Variants in LARGE1 observed in about 807,000 individuals in gnomAD.
The protein encoded by LARGE1 is xylosyl- and glucuronyltransferase LARGE1.
Under a neutral mutation model 87.6 loss-of-function variants are expected in LARGE1, and 43 were observed. The observed-to-expected ratio is 0.49, with a 90% CI of 0.38 to 0.63. The LOEUF (loss-of-function observed/expected upper bound fraction) is 0.63. LARGE1 is among the 30% of genes least tolerant of loss of function. LARGE1 has a pLI of 0.00. For missense variants in LARGE1, 802 were observed against 1,000.2 expected, an observed-to-expected ratio of 0.80 and a Z score of 2.67; for synonymous variants, 434 against 394.6, an observed-to-expected ratio of 1.10 and a Z score of -1.18.
chr22:33,504,808 AT>A (rs943381958), intron 6 of LARGE1, among the ~76,000 whole-genome samples: 96 of 152,270 alleles, frequency 6.3e-4, no homozygotes, highest in African/African-American at 2.2e-3. Context: ...TTTAAAAAAA[AT>A]AACATAGTAG....
intron 1 of LARGE1, among the ~76,000 whole-genome samples, chr22:33,851,844 G>C (rs2063591853): frequency 1.3e-5 from 2 of 152,248 alleles, no homozygotes; most frequent in South Asian, 4.1e-4. Context: ...AGGAGGAACA[G>C]AATGAGGCTA....
downstream of LARGE1, among the ~76,000 whole-genome samples, chr22:33,269,578 C>G (rs569716347): frequency 2.2e-4 from 34 of 152,320 alleles, no homozygotes; most frequent in African/African-American, 7.5e-4. Flanking sequence ...AAGCTTTGCT[C>G]TCAGTGAGCC....
intron 11 of LARGE1, among the ~76,000 whole-genome samples, chr22:33,210,399 C>T (rs567524926): frequency 2.0e-5 from 3 of 152,354 alleles, no homozygotes; most frequent in South Asian, 2.1e-4. Context: ...ACGACACCGG[C>T]GGAACCTGGT....
chr22:33,501,926 C>G (rs1334301436), intron 6 of LARGE1, among the ~76,000 whole-genome samples: 1 of 152,192 alleles, frequency 6.6e-6, no homozygotes, highest in Non-Finnish European at 1.5e-5. Context: ...GGCATGATGG[C>G]TCACGCTTGT....
intron 5 of LARGE1, among the ~76,000 whole-genome samples, chr22:33,595,217 G>C (rs2078945950): frequency 6.6e-6 from 1 of 152,036 alleles, no homozygotes; most frequent in Non-Finnish European, 1.5e-5. Flanking sequence ...TGGGGTACAA[G>C]AGATGTTTTG....
chr22:33,401,732 A>G (rs1002876671), intron 7 of LARGE1, among the ~76,000 whole-genome samples: 3 of 152,222 alleles, frequency 2.0e-5, no homozygotes, highest in Non-Finnish European at 4.4e-5. Context: ...ATAGAAGCCA[A>G]GGAGAGAAGG....
chr22:33,921,064 TC>T (rs1396750956), upstream of LARGE1, among the ~76,000 whole-genome samples: 3 of 149,696 alleles, frequency 2.0e-5, no homozygotes, highest in Admixed American at 2.0e-4. This position sits in a 1 kb window ranked among gnomAD's most constrained non-coding sequence, Gnocchi z 4.1. Flanking sequence ...GGGGCTGGGT[TC>T]CGAGCGGGGG....
At chr22:33,264,727 C>G (rs949000464) in intron 11 of LARGE1, among the ~76,000 whole-genome samples, 6 of 151,884 alleles carry the variant, frequency 4.0e-5, no homozygotes, top group Non-Finnish European at 7.4e-5. Flanking sequence ...GCAACAAAGT[C>G]TCTCTGCTTG....
intron 4 of LARGE1, among the ~76,000 whole-genome samples, chr22:33,613,361 T>C (rs1223642178): frequency 1.3e-5 from 2 of 152,298 alleles, no homozygotes; most frequent in Admixed American, 6.5e-5. Flanking sequence ...TTCTTGGAGC[T>C]TCTGTGTAAG....
At chr22:33,743,495 C>T (rs1353080163) in intron 2 of LARGE1, among the ~76,000 whole-genome samples, 2 of 152,180 alleles carry the variant, frequency 1.3e-5, no homozygotes, top group African/African-American at 4.8e-5. Flanking sequence ...ACCTCTACCT[C>T]CAAAACCTAT....
chr22:33,208,093 G>A (rs149528968), intron 11 of LARGE1, among the ~76,000 whole-genome samples: 2,158 of 152,250 alleles, frequency 0.014, 10 homozygotes, highest in Non-Finnish European at 0.022. Flanking sequence ...GGATGCTTAA[G>A]GCTCAATGTT....
At chr22:33,790,630 G>A (rs1219919321) in intron 1 of LARGE1, among the ~76,000 whole-genome samples, 1 of 152,118 alleles carries the variant, frequency 6.6e-6, no homozygotes, top group East Asian at 1.9e-4. Flanking sequence ...AATTCATACT[G>A]CTTAGAGATT....
chr22:33,080,166 C>A, the LARGE1 span, among the ~76,000 whole-genome samples: 1 of 152,210 alleles, frequency 6.6e-6, no homozygotes, highest in Non-Finnish European at 1.5e-5. Context: ...CTTCGACATT[C>A]ACTGAGTAAT....
chr22:33,273,869 C>T lies in LARGE1; in HGVS notation c.*558G>A, dbSNP rs1928627067. On this transcript the variant is annotated 3_prime_UTR_variant, in exon 15 of 15. Coordinates refer to ENST00000397394, the MANE Select transcript of LARGE1 (RefSeq NM_133642.5). ...TAAGGAAACCCATCAACCCCACCTC[C>T]AGGACCCTCTGGTTACAATGTCCCC... is the stretch of plus-strand genomic sequence containing the variant. The T allele has an allele frequency of 2.6e-6, 1 of 384,764 alleles. No individual in the cohort carries two copies. The highest frequency in any genetic ancestry group is 3.8e-5 in the East Asian group (1 of 26,264). 23.8% of individuals were successfully genotyped at this position (384,764 alleles called of 1,614,324 possible).
At chr22:33,456,131 C>A (rs547994846) in intron 6 of LARGE1, among the ~76,000 whole-genome samples, 1 of 152,322 alleles carries the variant, frequency 6.6e-6, no homozygotes. Flanking sequence ...GAGTTCCAGG[C>A]TAGGCCCACT....
intron 5 of LARGE1, among the ~76,000 whole-genome samples, chr22:33,598,223 T>C (rs758023064): frequency 2.0e-5 from 3 of 152,160 alleles, no homozygotes; most frequent in Non-Finnish European, 4.4e-5. Flanking sequence ...GGCTCTGCCA[T>C]GTACCGGTTA....
chr22:33,652,577 A>C (rs967042364), intron 2 of LARGE1, among the ~76,000 whole-genome samples: 1 of 152,108 alleles, frequency 6.6e-6, no homozygotes, highest in Admixed American at 6.5e-5. Flanking sequence ...CAAAAAAAGC[A>C]TATCTCTAGA....
chr22:33,651,315 C>T (rs933065198), intron 2 of LARGE1, among the ~76,000 whole-genome samples: 1 of 142,362 alleles, frequency 7.0e-6, no homozygotes, highest in Non-Finnish European at 1.5e-5. Context: ...TGGCAAGAAC[C>T]CGGGAGGCGG....
the LARGE1 span, among the ~76,000 whole-genome samples, chr22:33,095,552 C>CT: frequency 6.6e-6 from 1 of 152,146 alleles, no homozygotes; most frequent in African/African-American, 2.4e-5. Flanking sequence ...TCAAAAATAT[C>CT]TTTTTGGAGG....
Sources: gnomAD v4.1 joint callset for allele counts (sites outside exome capture counted in the v4.1 genomes callset) on GRCh38, gnomAD v4.1.1 for gene constraint, Gnocchi (gnomAD v3.1) non-coding constraint, MANE v1.5 for transcripts, NCBI Gene and HGNC (gene_info 2026-07-23, HGNC 2026-07-21) for gene names.